Variants in BAHCC1 observed in about 807,000 individuals in gnomAD.
BAHCC1 encodes BAH domain and coiled-coil containing 1, also known as BAH and coiled-coil domain-containing protein 1.
Under a neutral mutation model 88.2 loss-of-function variants are expected in BAHCC1, and 43 were observed. The observed-to-expected ratio is 0.49, with a 90% confidence interval of 0.38 to 0.63. BAHCC1 has a LOEUF of 0.63. Ranked by LOEUF, BAHCC1 falls within the 20% of genes least tolerant of loss-of-function variation. The pLI, the probability that BAHCC1 is intolerant of heterozygous loss-of-function variation, is 0.00. For synonymous variants in BAHCC1, 1,510 were observed against 745.5 expected, an observed-to-expected ratio of 2.03 and a Z score of -16.71; for missense variants, 3,023 against 1,654.8, an observed-to-expected ratio of 1.83 and a Z score of -14.34.
intron 1 of BAHCC1, among the ~76,000 whole-genome samples, chr17:81,397,995 G>A (rs1555645201): frequency 6.6e-6 from 1 of 152,168 alleles, no homozygotes; most frequent in Non-Finnish European, 1.5e-5. Flanking sequence ...AGACGTTTTA[G>A]AACCCGGACC....
In BAHCC1 at chr17:81,411,025, G is replaced by C. The variant is rs1055259938; in HGVS notation, c.178+11108G>C. On this transcript the variant is annotated intron_variant, in intron 2 of 27. Transcript: ENST00000675386. This position sits in a 1 kb window ranked among gnomAD's most constrained non-coding sequence, Gnocchi z 6.2. Reference sequence around the variant, plus strand: ...CTGGGTCTTTGTTGTCCATATGTCTGTGTGAAGGCCTGGGGCCCCCGTGCG... The same window carrying C: ...CTGGGTCTTTGTTGTCCATATGTCTCTGTGAAGGCCTGGGGCCCCCGTGCG... 3.5e-5 allele frequency: 18 copies of C among 515,892 alleles called. No homozygotes were observed. Among genetic ancestry groups the C allele is most frequent in the Non-Finnish European group, 6.6e-5 (17 of 258,604 alleles). 32.0% of individuals were successfully genotyped at this position (515,892 alleles called of 1,614,324 possible).
chr17:81,408,435 G>A (rs948651388), intron 2 of BAHCC1, among the ~76,000 whole-genome samples: 1 of 133,722 alleles, frequency 7.5e-6, no homozygotes, highest in African/African-American at 2.9e-5. Context: ...CCTCTCAGCT[G>A]CCCTCAGTAC....
chr17:81,411,373 G>A lies in BAHCC1; in HGVS notation c.178+11456G>A, dbSNP rs937587991. Among the ~76,000 whole-genome samples, 5 of 151,674 alleles carry A rather than the reference G, an allele frequency of 3.3e-5. No individual in the cohort carries two copies. Among genetic ancestry groups the A allele is most frequent in the Non-Finnish European group, 1.5e-5 (1 of 67,858 alleles). ...AGACGGGAGGCACCGGTGCCCTGTG[G>A]GTGGGAGCACTGCTGGCTCCATCCT... On this transcript the variant is annotated intron_variant, in intron 2 of 27. Transcript: ENST00000675386. This position sits in a 1 kb window ranked among gnomAD's most constrained non-coding sequence, Gnocchi z 6.2.
intron 3 of BAHCC1, among the ~76,000 whole-genome samples, chr17:81,427,988 G>A (rs1045625335): frequency 1.4e-4 from 22 of 152,254 alleles, no homozygotes; most frequent in African/African-American, 3.9e-4. Context: ...AACAGGTGAC[G>A]AGTGAGGGAC....
At chr17:81,441,386 G>T (rs782734358) in intron 4 of BAHCC1, among the ~76,000 whole-genome samples, 2 of 152,170 alleles carry the variant, frequency 1.3e-5, no homozygotes, top group Non-Finnish European at 2.9e-5. Flanking sequence ...AAACCAGCCC[G>T]GCGCTGTGGC....
intron 6 of BAHCC1, 173 bp downstream of exon 6, chr17:81,444,090 T>G: frequency 1.6e-6 from 1 of 607,548 alleles, no homozygotes; most frequent in Non-Finnish European, 2.9e-6. Flanking sequence ...TCACCCGGGG[T>G]TGGGGGTCTC....
chr17:81,432,553 A>ACCCTCCCTCCCATCGCCGGGCCCC (rs2064273837), intron 3 of BAHCC1, among the ~76,000 whole-genome samples: 2 of 21,706 alleles, frequency 9.2e-5, no homozygotes, highest in Admixed American at 9.0e-4. Flanking sequence ...CACCAGGCCC[A>ACCCTCCCTCCCATCGCCGGGCCCC]CCCTCCCTCC....
chr17:81,462,713 G>T (rs782199984), intron 26 of BAHCC1, 27 bp from the exon 27 acceptor site: 3 of 728,630 alleles, frequency 4.1e-6, no homozygotes. Flanking sequence ...CGGCCTCTCA[G>T]AGCCACCCTG....
chr17:81,431,492 G>A (rs1383699709), intron 3 of BAHCC1, among the ~76,000 whole-genome samples: 2 of 152,210 alleles, frequency 1.3e-5, no homozygotes, highest in Non-Finnish European at 2.9e-5. Context: ...ACACAGACTT[G>A]GGGAAGCCAG....
At position 81,411,048 on chromosome 17, in the gene BAHCC1, G is replaced by A; in HGVS notation, c.178+11131G>A. 1.9e-6 allele frequency: 1 copy of A among 518,596 alleles called. No individual in the cohort carries two copies. The highest frequency in any genetic ancestry group is 1.4e-5 in the South Asian group (1 of 71,548). 32.1% of individuals were successfully genotyped at this position (518,596 alleles called of 1,614,324 possible). ...CTGTGTGAAGGCCTGGGGCCCCCGT[G>A]CGCCTCCCCTCGGGCCTGAGGGGTC... On this transcript the variant is annotated intron_variant, in intron 2 of 27. Transcript: ENST00000675386. The surrounding 1 kb of genome is among the most constrained non-coding windows in gnomAD (Gnocchi z 6.2).
chr17:81,407,264 C>G lies in BAHCC1; in HGVS notation c.178+7347C>G, dbSNP rs990138231. ...GAGCAGCAGGCTGGGCTCCCTGAAG[C>G]GGAGGGTGACATTGGGGGGCAGTGC... On this transcript the variant is annotated intron_variant, in intron 2 of 27. Transcript: ENST00000675386. The G allele has an allele frequency of 7.9e-6, 4 of 503,912 alleles. No homozygotes were observed. The East Asian group carries it at 2.2e-4, about 28-fold the overall frequency. 31.2% of individuals were successfully genotyped at this position (503,912 alleles called of 1,614,324 possible).
At chr17:81,413,301 C>G (rs1399230710) in intron 2 of BAHCC1, 1 of 219,410 alleles carries the variant, frequency 4.6e-6, no homozygotes, top group East Asian at 1.8e-4. Flanking sequence ...CGGCCTCCTT[C>G]CCTGTGACTT....
chr17:81,452,659 C>G (rs2064663482), intron 13 of BAHCC1, 64 bp from the exon 14 acceptor site: 1 of 657,702 alleles, frequency 1.5e-6, no homozygotes, highest in Non-Finnish European at 2.7e-6. Flanking sequence ...ATGCCCTCGG[C>G]TGGAACCTTG....
At chr17:81,424,921 TGATGTGGTTGGTGC>T (rs1555650082) in intron 2 of BAHCC1, among the ~76,000 whole-genome samples, 4 of 142,104 alleles carry the variant, frequency 2.8e-5, no homozygotes, top group African/African-American at 1.1e-4. Context: ...GTGGTTGGTG[TGATGTGGTTGGTGC>T]TGATAGTGGT....
chr17:81,409,366 C>T (rs994602237), intron 2 of BAHCC1, among the ~76,000 whole-genome samples: 1 of 152,202 alleles, frequency 6.6e-6, no homozygotes, highest in South Asian at 2.1e-4. Context: ...CTCCTGTCCC[C>T]CGAAGGCTGG....
rs1555659058 is a variant in BAHCC1, at chr17:81,460,984, G to A, written c.6321G>A (p.Lys2107=). 1 of 773,058 alleles carries A rather than the reference G, an allele frequency of 1.3e-6. No individual in the cohort carries two copies. Among genetic ancestry groups the A allele is most frequent in the South Asian group, 1.3e-5 (1 of 74,516 alleles). 47.9% of individuals were successfully genotyped at this position (773,058 alleles called of 1,614,324 possible). The change falls in exon 26 of 28, where the codon AAG becomes AAA. Residue 2107 remains lysine (K), a synonymous_variant. Coordinates refer to ENST00000675386, the MANE Select transcript of BAHCC1 (RefSeq NM_001377448.1). ...SWSAVAQTKR[K]AVAAASKGPG... Reference sequence around the variant, plus strand: ...CCGCGGTGGCGCAGACCAAGCGGAAGGCGGTGGCAGCGGCCAGCAAGGGGC... The same window carrying A: ...CCGCGGTGGCGCAGACCAAGCGGAAAGCGGTGGCAGCGGCCAGCAAGGGGC...
Position 81,466,318 on chromosome 17 carries a change from A to G in BAHCC1, c.*2501A>G, listed in dbSNP as rs530964003. 6.6e-6 allele frequency: 1 copy of G among 152,444 alleles called. No individual in the cohort carries two copies. Among genetic ancestry groups the G allele is most frequent in the East Asian group, 1.9e-4 (1 of 5,158 alleles). The allele number at this position is 152,444 out of a possible 1,614,324, so 9.4% of individuals were successfully genotyped here. On this transcript the variant is annotated 3_prime_UTR_variant, in exon 28 of 28. Coordinates refer to ENST00000675386, the MANE Select transcript of BAHCC1 (RefSeq NM_001377448.1). ...AACTTGCTTAAGAATAAATATATGG[A>G]CTATTGTACAGGTTTTCGGTGGTCC...
rs782368279 is a variant in BAHCC1, at chr17:81,442,297, C to T, written c.948C>T (p.Thr316=). ...MLGRPGTGVV[T]SGRCAKEAAG... Reference sequence around the variant, plus strand: ...GGCGGCCTGGCACGGGGGTGGTGACCTCCGGGCGCTGTGCAAAGGAGGCAG... The same window carrying T: ...GGCGGCCTGGCACGGGGGTGGTGACTTCCGGGCGCTGTGCAAAGGAGGCAG... The change falls in exon 5 of 28, where the codon ACC becomes ACT. Residue 316 remains threonine, a synonymous_variant. Coordinates refer to ENST00000675386, the MANE Select transcript of BAHCC1 (RefSeq NM_001377448.1). The T allele has an allele frequency of 3.1e-6, 2 of 646,288 alleles. No homozygotes were observed. The highest frequency in any genetic ancestry group is 5.6e-6 in the Non-Finnish European group (2 of 359,586). 40.0% of individuals were successfully genotyped at this position (646,288 alleles called of 1,614,324 possible).
In BAHCC1 at chr17:81,443,344, G is replaced by A. The variant is rs1555653277; in HGVS notation, c.1995G>A (p.Gln665=). 2.6e-6 allele frequency: 2 copies of A among 778,938 alleles called. No homozygotes were observed. The highest frequency in any genetic ancestry group is 2.4e-5 in the East Asian group (1 of 41,234). 48.3% of individuals were successfully genotyped at this position (778,938 alleles called of 1,614,324 possible). A position where few individuals can be genotyped will look rare whatever the true frequency, so the allele number is the denominator to read the frequency against. The change falls in exon 5 of 28, where the codon CAG becomes CAA. Residue 665 remains glutamine (Q), a synonymous_variant. Transcript: ENST00000675386. ...GCCTCAAGGCCAGCTGCATCCAGCA[G>A]GAAGCAAAGTTCCTGTCCTCTAAGG... ...LGGLKASCIQ[Q]EAKFLSSKGP...
Sources: allele counts gnomAD v4.1 joint callset (sites outside exome capture counted in the v4.1 genomes callset), GRCh38; gene constraint gnomAD v4.1.1; non-coding constraint Gnocchi (gnomAD v3.1); transcripts MANE v1.5; gene names NCBI Gene and HGNC (gene_info 2026-07-23, HGNC 2026-07-21).